P2RY8: variants seen among roughly 807,000 people sequenced by gnomAD.
The protein encoded by P2RY8 is P2Y receptor family member 8.
In P2RY8, 6 loss-of-function variants were observed where a neutral mutation model predicts 10.0. That is an observed-to-expected ratio of 0.60 (90% CI 0.33 to 1.19). The LOEUF (loss-of-function observed/expected upper bound fraction) is 1.19, where lower values mean the gene tolerates loss of function less well. P2RY8 is among the 50% of genes most tolerant of loss of function. The pLI, the probability that P2RY8 is intolerant of heterozygous loss-of-function variation, is 0.04. For synonymous variants in P2RY8, 276 were observed against 252.5 expected (o/e 1.09, Z -0.88); for missense variants, 456 against 542.0 (o/e 0.84, Z 1.58).
intron 1 of P2RY8, among the ~76,000 whole-genome samples, chrX:1,531,070 C>CTATA (rs1299993339): frequency 6.9e-6 from 1 of 144,274 alleles, no homozygotes; most frequent in Non-Finnish European, 1.5e-5. Flanking sequence ...GTCTGTCTGT[C>CTATA]TATCTATCTA....
In P2RY8 at chrX:1,501,406, C is replaced by T. The variant is rs1287268892; in HGVS notation, c.-24-34824G>A. Among the ~76,000 whole-genome samples the T allele has an allele frequency of 2.7e-4, 41 of 152,106 alleles. 1 individual carries two copies. The highest frequency in any genetic ancestry group is 4.4e-5 in the Non-Finnish European group (3 of 67,986). ...TAAGGTCTTGCTCTGTTGCCCCAGG[C>T]TAGAGTGCCATGGTGACATTATATA... is the stretch of plus-strand genomic sequence containing the variant. On this transcript the variant is annotated intron_variant, in intron 1 of 1. Transcript: ENST00000381297.
intron 1 of P2RY8, among the ~76,000 whole-genome samples, chrX:1,504,641 T>C (rs28617560): frequency 0.48 from 73,287 of 151,524 alleles, 18,090 homozygotes; most frequent in African/African-American, 0.53. Flanking sequence ...CACTTGAGGT[T>C]AGGAGTTTGA....
At chrX:1,487,383 C>T (rs1382364859) in intron 1 of P2RY8, among the ~76,000 whole-genome samples, 1 of 151,748 alleles carries the variant, frequency 6.6e-6, no homozygotes, top group Non-Finnish European at 1.5e-5. Flanking sequence ...TTTTTTTGTG[C>T]ACCCGTCCTA....
At chrX:1,532,864 G>A (rs777047122) in intron 1 of P2RY8, among the ~76,000 whole-genome samples, 17 of 151,924 alleles carry the variant, frequency 1.1e-4, no homozygotes, top group East Asian at 7.7e-4. Context: ...ACCGGGTGTG[G>A]TGGCACATGC....
chrX:1,528,574 TTGAGTGTGGATTTGAGTCTCTTTGAA>T (rs2092453649), intron 1 of P2RY8, among the ~76,000 whole-genome samples: 1 of 151,848 alleles, frequency 6.6e-6, no homozygotes, highest in African/African-American at 2.4e-5. Context: ...GGTCTTTGGA[TTGAGTGTGGATTTGAGTCTCTTTGAA>T]TGAGTGTGGA....
At chrX:1,466,645 AG>A in intron 1 of P2RY8, 63 bp from the exon 2 acceptor site, 1 of 1,476,094 alleles carries the variant, frequency 6.8e-7, no homozygotes, top group Non-Finnish European at 9.1e-7. Flanking sequence ...GGCTGCCGGG[AG>A]GGCTCCTGAG....
chrX:1,493,426 A>AG (rs72284253), intron 1 of P2RY8, among the ~76,000 whole-genome samples: 1 of 44,634 alleles, frequency 2.2e-5, no homozygotes, highest in African/African-American at 7.4e-5. Flanking sequence ...AGGAGGAAGG[A>AG]GGAGGGAGGG....
chrX:1,495,458 G>C (rs1362677931), intron 1 of P2RY8, among the ~76,000 whole-genome samples: 4 of 152,014 alleles, frequency 2.6e-5, no homozygotes, highest in East Asian at 1.9e-4. Flanking sequence ...ACAGAGGGAC[G>C]ACACTGTGAG....
At chrX:1,496,945 G>C (rs1368889209) in intron 1 of P2RY8, among the ~76,000 whole-genome samples, 1 of 150,510 alleles carries the variant, frequency 6.6e-6, no homozygotes, top group South Asian at 2.1e-4. Flanking sequence ...CAGGCCGGGC[G>C]TGGTGGCTCA....
At chrX:1,526,230 A>C (rs1433209552) in intron 1 of P2RY8, among the ~76,000 whole-genome samples, 28 of 151,134 alleles carry the variant, frequency 1.9e-4, no homozygotes, top group Non-Finnish European at 3.8e-4. Context: ...CCATCCATCC[A>C]TTTATCCATA....
At chrX:1,502,059 T>C (rs2149398252) in intron 1 of P2RY8, among the ~76,000 whole-genome samples, 1 of 152,170 alleles carries the variant, frequency 6.6e-6, no homozygotes, top group South Asian at 2.1e-4. Flanking sequence ...TACAGGCGTG[T>C]GCCACCACAT....
At chrX:1,507,270 C>G (rs1230257535) in intron 1 of P2RY8, among the ~76,000 whole-genome samples, 1 of 152,078 alleles carries the variant, frequency 6.6e-6, no homozygotes, top group African/African-American at 2.4e-5. Flanking sequence ...CTTGCTCTCT[C>G]TGTGCGTGTC....
chrX:1,535,528 T>C (rs1470205986), intron 1 of P2RY8, among the ~76,000 whole-genome samples: 1 of 151,712 alleles, frequency 6.6e-6, no homozygotes, highest in African/African-American at 2.4e-5. Flanking sequence ...CAAAGTCAAG[T>C]GGGCTATGCA....
chrX:1,494,451 C>T (rs1331232775), intron 1 of P2RY8: 1 of 151,982 alleles, frequency 6.6e-6, no homozygotes, highest in African/African-American at 2.4e-5. Context: ...CTTTTTGGCC[C>T]TGGGCCCCAG....
At chrX:1,500,894 G>T (rs1373493970) in intron 1 of P2RY8, among the ~76,000 whole-genome samples, 1 of 152,120 alleles carries the variant, frequency 6.6e-6, no homozygotes. Flanking sequence ...CCCAGGCTCC[G>T]AGGTTCTGGG....
chrX:1,478,644 A>G (rs2091903044), intron 1 of P2RY8, among the ~76,000 whole-genome samples: 1 of 151,690 alleles, frequency 6.6e-6, no homozygotes, highest in African/African-American at 2.4e-5. Context: ...ATGCTTGGCT[A>G]ATTTTTGTAT....
intron 1 of P2RY8, among the ~76,000 whole-genome samples, chrX:1,510,890 G>C (rs1411353937): frequency 6.7e-6 from 1 of 149,464 alleles, no homozygotes; most frequent in Non-Finnish European, 1.5e-5. Flanking sequence ...AAAAGAAAAA[G>C]AAAAGAGGCC....
At chrX:1,467,853 AT>A (rs1191986412) in intron 1 of P2RY8, among the ~76,000 whole-genome samples, 8 of 151,164 alleles carry the variant, frequency 5.3e-5, no homozygotes, top group Non-Finnish European at 8.8e-5. Context: ...TAATATTTTT[AT>A]TTTTTGTAGA....
intron 1 of P2RY8, among the ~76,000 whole-genome samples, chrX:1,516,211 A>AACT (rs1333023639): frequency 2.1e-3 from 54 of 26,326 alleles, no homozygotes; most frequent in African/African-American, 2.7e-3. Context: ...AAAACAAAAC[A>AACT]ACAACAAAAA....
Sources: allele counts gnomAD v4.1 joint callset (sites outside exome capture counted in the v4.1 genomes callset), GRCh38; gene constraint gnomAD v4.1.1; transcripts MANE v1.5; gene names NCBI Gene and HGNC (gene_info 2026-07-23, HGNC 2026-07-21).